The following SRRM4 variants were observed in gnomAD, a reference collection of about 807,000 sequenced individuals.
The protein encoded by SRRM4 is serine/arginine repetitive matrix 4.
Under a neutral mutation model 68.9 loss-of-function variants are expected in SRRM4, and 33 were observed. That is an observed-to-expected ratio of 0.48 (90% CI 0.36 to 0.64). The LOEUF (loss-of-function observed/expected upper bound fraction) is 0.64, where lower values mean the gene tolerates loss of function less well. Among genes scored for constraint, SRRM4 ranks in the 30% least tolerant of loss-of-function variants. The pLI, the probability that SRRM4 is intolerant of heterozygous loss-of-function variation, is 0.00. For synonymous variants in SRRM4, 318 were observed against 318.8 expected, an observed-to-expected ratio of 1.00 and a Z score of 0.03; for missense variants, 817 against 827.1, an observed-to-expected ratio of 0.99 and a Z score of 0.15.
At chr12:119,064,026 C>T (rs1419816642) in intron 1 of SRRM4, among the ~76,000 whole-genome samples, 6 of 152,114 alleles carry the variant, frequency 3.9e-5, no homozygotes, top group Non-Finnish European at 8.8e-5. Flanking sequence ...AAAAAATACC[C>T]CCACATCTGG....
rs1212256798 is a variant in SRRM4, at chr12:119,012,941, A to C, written c.131+30928A>C. On this transcript the variant is annotated intron_variant, in intron 1 of 12. Transcript: ENST00000267260. ...GAAGGCGCCAAAGAAAAATTTCACC[A>C]GGTGTTTTACATCAACCTGGGAGGT... 2.0e-5 allele frequency among the ~76,000 whole-genome samples: 3 copies of C among 152,308 alleles called. No homozygotes were observed. In the East Asian group the frequency reaches 5.8e-4, roughly 29 times the overall value.
At position 119,151,142 on chromosome 12, in the gene SRRM4, C is replaced by A. The variant is rs1447728788; in HGVS notation, c.1202C>A (p.Ser401Tyr). ...TCCTCCTATGCCAGCACCCGATCCT[C>A]CAGTCACTCGTCCCGATCCCCAAAT... Reference protein sequence around the residue: ...RSSSYASTRSSSHSSRSPNPR... With the variant: ...RSSSYASTRSYSHSSRSPNPR... The change falls in exon 10 of 13, where the codon TCC becomes TAC. Residue 401 changes from serine (S) to tyrosine (Y), a missense_variant. Physicochemically the swap from Ser to Tyr is moderately radical, Grantham distance 144. Coordinates refer to ENST00000267260, the MANE Select transcript of SRRM4 (RefSeq NM_194286.4). 6.2e-7 allele frequency: 1 copy of A among 1,613,970 alleles called. No homozygotes were observed. The highest frequency in any genetic ancestry group is 1.1e-5 in the South Asian group (1 of 91,086).
chr12:119,110,833 C>T (rs1051048622), intron 2 of SRRM4, among the ~76,000 whole-genome samples: 18 of 152,284 alleles, frequency 1.2e-4, no homozygotes, highest in African/African-American at 2.4e-4. Flanking sequence ...ACCCACTGTC[C>T]GACAAGCCCC....
chr12:119,128,646 G>T (rs976445115), intron 7 of SRRM4, among the ~76,000 whole-genome samples: 1 of 152,142 alleles, frequency 6.6e-6, no homozygotes, highest in Admixed American at 6.5e-5. Flanking sequence ...ACTGCCTTTT[G>T]GTGGGCAAAG....
intron 1 of SRRM4, among the ~76,000 whole-genome samples, chr12:119,098,565 G>A (rs113969927): frequency 1.5e-4 from 23 of 152,308 alleles, no homozygotes; most frequent in African/African-American, 4.1e-4. Context: ...AGTCTTGCTC[G>A]CAGGGAGCTC....
chr12:119,048,196 G>A (rs1473138945), intron 1 of SRRM4, among the ~76,000 whole-genome samples: 1 of 152,180 alleles, frequency 6.6e-6, no homozygotes, highest in Non-Finnish European at 1.5e-5. Flanking sequence ...TGGATCTCAG[G>A]GTGATAATGC....
intron 1 of SRRM4, among the ~76,000 whole-genome samples, chr12:119,053,632 G>A (rs1447785243): frequency 1.3e-5 from 2 of 152,170 alleles, no homozygotes; most frequent in Admixed American, 1.3e-4. Flanking sequence ...TCAACAAGTG[G>A]AAACACCTGC....
intron 2 of SRRM4, among the ~76,000 whole-genome samples, chr12:119,103,093 A>T (rs1954086715): frequency 6.6e-6 from 1 of 152,090 alleles, no homozygotes; most frequent in Admixed American, 6.6e-5. Flanking sequence ...AAAAACAAAA[A>T]AAAAATTATC....
chr12:118,997,228 C>T (rs1953355393), intron 1 of SRRM4, among the ~76,000 whole-genome samples: 1 of 152,200 alleles, frequency 6.6e-6, no homozygotes, highest in South Asian at 2.1e-4. Flanking sequence ...GTGGGGTAAA[C>T]ATTCTCTAAG....
chr12:119,146,993 A>G (rs1254543805), intron 9 of SRRM4, among the ~76,000 whole-genome samples: 2 of 152,182 alleles, frequency 1.3e-5, no homozygotes, highest in Non-Finnish European at 2.9e-5. Flanking sequence ...ACTTATCTCT[A>G]CATAAAAACC....
chr12:119,031,510 T>C (rs541096542), intron 1 of SRRM4, among the ~76,000 whole-genome samples: 1 of 152,298 alleles, frequency 6.6e-6, no homozygotes, highest in East Asian at 1.9e-4. Flanking sequence ...TTAGGGATCA[T>C]CTTGGAGTAT....
chr12:119,028,899 G>A (rs886941697), intron 1 of SRRM4, among the ~76,000 whole-genome samples: 10 of 152,188 alleles, frequency 6.6e-5, no homozygotes, highest in African/African-American at 1.9e-4. Context: ...AGTTATAGCT[G>A]ATAGACACTT....
chr12:119,080,605 G>A (rs1399882570), intron 1 of SRRM4, among the ~76,000 whole-genome samples: 1 of 152,160 alleles, frequency 6.6e-6, no homozygotes, highest in Non-Finnish European at 1.5e-5. Flanking sequence ...TTCTTCCCAT[G>A]TTGCACGTGG....
chr12:119,070,009 G>A lies in SRRM4; in HGVS notation c.132-32227G>A, dbSNP rs568109818. ...ATTGCGGGGAGGTGTTAGGGGCCGG[G>A]GGCACTGCTAACCAGATCCAGCTGA... is the stretch of plus-strand genomic sequence containing the variant. On this transcript the variant is annotated intron_variant, in intron 1 of 12. Coordinates refer to ENST00000267260, the MANE Select transcript of SRRM4 (RefSeq NM_194286.4). 2.6e-5 allele frequency among the ~76,000 whole-genome samples: 4 copies of A among 152,212 alleles called. 1 individual carries two copies. Among genetic ancestry groups the A allele is most frequent in the African/African-American group, 7.2e-5 (3 of 41,514 alleles).
chr12:119,124,258 T>C (rs1315900389), intron 6 of SRRM4: 1 of 152,156 alleles, frequency 6.6e-6, no homozygotes, highest in East Asian at 1.9e-4. Context: ...TGAGCCAGCA[T>C]ACATACAGTT....
chr12:119,147,555 G>A (rs909066126), intron 9 of SRRM4, among the ~76,000 whole-genome samples: 5 of 152,206 alleles, frequency 3.3e-5, no homozygotes, highest in African/African-American at 1.2e-4. Flanking sequence ...AAGGCTGTGC[G>A]TGTGTAGCAG....
intron 1 of SRRM4, among the ~76,000 whole-genome samples, chr12:119,098,564 C>T (rs73213710): frequency 0.038 from 5,799 of 152,270 alleles, 125 homozygotes; most frequent in African/African-American, 0.051. Context: ...CAGTCTTGCT[C>T]GCAGGGAGCT....
intron 1 of SRRM4, 41 bp from the exon 2 acceptor site, chr12:119,102,195 T>C: frequency 6.4e-7 from 1 of 1,570,478 alleles, no homozygotes; most frequent in Non-Finnish European, 8.7e-7. Flanking sequence ...AGTGTCTCTG[T>C]ATATTCTAAC....
At chr12:119,086,056 C>A (rs2136034186) in intron 1 of SRRM4, among the ~76,000 whole-genome samples, 1 of 152,232 alleles carries the variant, frequency 6.6e-6, no homozygotes, top group East Asian at 1.9e-4. Flanking sequence ...AGGCCAAACA[C>A]CTAGGCACTT....
Sources: allele counts gnomAD v4.1 joint callset (sites outside exome capture counted in the v4.1 genomes callset), GRCh38; gene constraint gnomAD v4.1.1; transcripts MANE v1.5; gene names NCBI Gene and HGNC (gene_info 2026-07-23, HGNC 2026-07-21).